SPATA6: variants seen among roughly 807,000 people sequenced by gnomAD.
SPATA6 encodes the protein spermatogenesis-associated protein 6.
Under a neutral mutation model 65.3 loss-of-function variants are expected in SPATA6, and 56 were observed. That is an observed-to-expected ratio of 0.86 (90% CI 0.69 to 1.07). The LOEUF is 1.07. SPATA6 is among the 50% of genes least tolerant of loss of function. The pLI is 0.00. For synonymous variants in SPATA6, 199 were observed against 213.2 expected, an observed-to-expected ratio of 0.93 and a Z score of 0.58; for missense variants, 590 against 594.8, an observed-to-expected ratio of 0.99 and a Z score of 0.08.
chr1:48,435,334 G>C (rs1007700258), intron 3 of SPATA6, among the ~76,000 whole-genome samples: 1 of 151,814 alleles, frequency 6.6e-6, no homozygotes. Context: ...TCTAGCTAAA[G>C]GATTGTAAAT....
chr1:48,310,945 T>C (rs961896819), intron 11 of SPATA6, among the ~76,000 whole-genome samples: 1 of 152,112 alleles, frequency 6.6e-6, no homozygotes, highest in Non-Finnish European at 1.5e-5. Context: ...TTAATAAATA[T>C]GTAGAAATCA....
intron 11 of SPATA6, among the ~76,000 whole-genome samples, chr1:48,308,346 T>TA (rs1311802147): frequency 6.6e-6 from 1 of 152,066 alleles, no homozygotes; most frequent in African/African-American, 2.4e-5. Flanking sequence ...ACTTTGCTCT[T>TA]ACATGTTTAC....
chr1:48,461,298 C>T (rs934509454), intron 1 of SPATA6, among the ~76,000 whole-genome samples: 7 of 152,178 alleles, frequency 4.6e-5, no homozygotes, highest in African/African-American at 1.4e-4. Context: ...TGCCTGTTTA[C>T]TCTGATGGTA....
intron 11 of SPATA6, among the ~76,000 whole-genome samples, chr1:48,314,610 T>C (rs192674511): frequency 1.0e-3 from 152 of 152,034 alleles, no homozygotes; most frequent in African/African-American, 3.1e-3. Context: ...AAATTGACAC[T>C]CTAACATCAC....
intron 11 of SPATA6, among the ~76,000 whole-genome samples, chr1:48,339,931 TG>T (rs2148758643): frequency 6.6e-6 from 1 of 152,148 alleles, no homozygotes; most frequent in African/African-American, 2.4e-5. Context: ...CTCATCCTTT[TG>T]GCTATGATTG....
chr1:48,290,993 A>G (rs1644763320), downstream of SPATA6, among the ~76,000 whole-genome samples: 3 of 152,182 alleles, frequency 2.0e-5, no homozygotes, highest in Non-Finnish European at 4.4e-5. Flanking sequence ...TGCACCAAGC[A>G]GACCTAATAG....
At chr1:48,268,648 C>T in the SPATA6 span, among the ~76,000 whole-genome samples, 1 of 152,054 alleles carries the variant, frequency 6.6e-6, no homozygotes, top group Non-Finnish European at 1.5e-5. Flanking sequence ...AAAAATACTA[C>T]CTTAACTGTA....
chr1:48,354,251 A>T (rs1201904072), intron 11 of SPATA6, among the ~76,000 whole-genome samples: 1 of 152,094 alleles, frequency 6.6e-6, no homozygotes, highest in Non-Finnish European at 1.5e-5. Flanking sequence ...TCAAAGAAGT[A>T]GGGAGGATGT....
chr1:48,340,863 A>T (rs1350350221), intron 11 of SPATA6, among the ~76,000 whole-genome samples: 3 of 152,194 alleles, frequency 2.0e-5, no homozygotes, highest in African/African-American at 4.8e-5. Context: ...TGGTGTGACT[A>T]TAAAATTGTC....
chr1:48,313,305 T>A (rs1338954094), intron 11 of SPATA6, among the ~76,000 whole-genome samples: 3 of 152,098 alleles, frequency 2.0e-5, no homozygotes, highest in Non-Finnish European at 4.4e-5. Flanking sequence ...AAAGGTCGGG[T>A]TACCCACAAA....
At chr1:48,431,863 C>A (rs1453514980) in intron 3 of SPATA6, among the ~76,000 whole-genome samples, 1 of 152,198 alleles carries the variant, frequency 6.6e-6, no homozygotes, top group African/African-American at 2.4e-5. Context: ...GTAATCCCAG[C>A]ACTTTGGGAG....
At chr1:48,316,423 A>G (rs1411173132) in intron 11 of SPATA6, among the ~76,000 whole-genome samples, 2 of 152,116 alleles carry the variant, frequency 1.3e-5, no homozygotes, top group Admixed American at 6.6e-5. Flanking sequence ...ACAAAAACAA[A>G]AAATGGGGAA....
At chr1:48,341,420 C>G (rs1440519985) in intron 11 of SPATA6, among the ~76,000 whole-genome samples, 1 of 152,108 alleles carries the variant, frequency 6.6e-6, no homozygotes, top group Admixed American at 6.6e-5. Flanking sequence ...ATGAATCATC[C>G]TTTTGTCCAG....
At chr1:48,441,971 C>G (rs1388096256) in intron 3 of SPATA6, among the ~76,000 whole-genome samples, 1 of 152,204 alleles carries the variant, frequency 6.6e-6, no homozygotes, top group African/African-American at 2.4e-5. Context: ...GTGTGGCCCT[C>G]AACCCTGCTA....
chr1:48,384,640 G>GA (rs904154907), intron 9 of SPATA6, among the ~76,000 whole-genome samples: 6 of 151,936 alleles, frequency 3.9e-5, no homozygotes, highest in South Asian at 2.1e-4. Flanking sequence ...TGAATCACCA[G>GA]AAAAAATATA....
At chr1:48,429,219 C>T (rs4454587) in intron 3 of SPATA6, among the ~76,000 whole-genome samples, 9 of 152,080 alleles carry the variant, frequency 5.9e-5, no homozygotes, top group African/African-American at 2.2e-4. Flanking sequence ...AGCCTTATGG[C>T]CATGTTGTTG....
At chr1:48,286,288 T>G in the SPATA6 span, among the ~76,000 whole-genome samples, 2 of 152,212 alleles carry the variant, frequency 1.3e-5, no homozygotes, top group Admixed American at 1.3e-4. Flanking sequence ...TTTAAAAATA[T>G]TAACTCTTTT....
intron 11 of SPATA6, among the ~76,000 whole-genome samples, chr1:48,321,273 G>C (rs1645591485): frequency 6.6e-6 from 1 of 152,068 alleles, no homozygotes; most frequent in African/African-American, 2.4e-5. Flanking sequence ...ACAATTTCTT[G>C]CCTACAAGAA....
At chr1:48,340,469 G>A (rs1192218249) in intron 11 of SPATA6, among the ~76,000 whole-genome samples, 2 of 150,780 alleles carry the variant, frequency 1.3e-5, no homozygotes, top group Non-Finnish European at 3.0e-5. Context: ...GAATATAAAT[G>A]GAATGCAAAT....
Sources: gnomAD v4.1 joint callset for allele counts (sites outside exome capture counted in the v4.1 genomes callset) on GRCh38, gnomAD v4.1.1 for gene constraint, MANE v1.5 for transcripts, NCBI Gene and HGNC (gene_info 2026-07-23, HGNC 2026-07-21) for gene names.